RIC8B: variants seen among roughly 807,000 people sequenced by gnomAD.
RIC8B encodes chaperone Ric-8B.
A neutral mutation model predicts 57.5 loss-of-function variants in RIC8B; 16 were observed. The observed-to-expected ratio is 0.28, with a 90% CI of 0.19 to 0.42. The LOEUF is 0.42. Among genes scored for constraint, RIC8B ranks in the 10% least tolerant of loss-of-function variants. The pLI, the probability that RIC8B is intolerant of heterozygous loss-of-function variation, is 1.00. For synonymous variants in RIC8B, 216 were observed against 250.8 expected (o/e 0.86, Z 1.31); for missense variants, 481 against 677.0 (o/e 0.71, Z 3.21).
At chr12:106,780,693 G>A (rs903561895) in intron 1 of RIC8B, among the ~76,000 whole-genome samples, 5 of 152,188 alleles carry the variant, frequency 3.3e-5, no homozygotes, top group African/African-American at 9.7e-5. Context: ...GAAGCAATCT[G>A]TGTTCATGAA....
At chr12:106,833,541 C>T (rs981196244) in intron 4 of RIC8B, among the ~76,000 whole-genome samples, 3 of 151,988 alleles carry the variant, frequency 2.0e-5, no homozygotes, top group African/African-American at 4.8e-5. Flanking sequence ...GCAAAAGTTG[C>T]GGTGAGCTTA....
rs79411112 is a variant in RIC8B at position 106,825,002 on chromosome 12, A to G, written c.742-724A>G. 3.3e-3 allele frequency among the ~76,000 whole-genome samples: 498 copies of G among 152,282 alleles called. 7 individuals are homozygous for G. The highest frequency in any genetic ancestry group is 0.012 in the African/African-American group (480 of 41,564). ...TGGCATATCCAGGCTCTCTATCACA[A>G]TTGTCTCTAATTTCATGTGTCTTCT... is the stretch of plus-strand genomic sequence containing the variant. On this transcript the variant is annotated intron_variant, in intron 3 of 9. Coordinates refer to ENST00000392837, the MANE Select transcript of RIC8B (RefSeq NM_001330145.2).
At chr12:106,878,958 G>A in intron 9 of RIC8B, 1 of 985,586 alleles carries the variant, frequency 1.0e-6, no homozygotes, top group Non-Finnish European at 1.2e-6. Context: ...GAGCAGACTG[G>A]TGTTTGCATG....
At chr12:106,805,876 T>C (rs2044990439) in intron 2 of RIC8B, among the ~76,000 whole-genome samples, 1 of 152,234 alleles carries the variant, frequency 6.6e-6, no homozygotes, top group Non-Finnish European at 1.5e-5. Flanking sequence ...CAGCAACATC[T>C]TGAAAGGTAT....
intron 6 of RIC8B, among the ~76,000 whole-genome samples, chr12:106,850,790 A>C (rs948290372): frequency 2.0e-4 from 30 of 152,282 alleles, no homozygotes; most frequent in African/African-American, 7.0e-4. Flanking sequence ...TTTTTAATTA[A>C]ATAAAGGTTG....
At chr12:106,871,130 G>C in intron 9 of RIC8B, 188 bp downstream of exon 9, 1 of 455,898 alleles carries the variant, frequency 2.2e-6, no homozygotes. Context: ...GCTTCTGGAT[G>C]TGCATTCCTA....
intron 9 of RIC8B, among the ~76,000 whole-genome samples, chr12:106,884,364 C>T (rs1464138803): frequency 6.6e-6 from 1 of 152,162 alleles, no homozygotes; most frequent in South Asian, 2.1e-4. Context: ...ACTCAGTGTG[C>T]TCCTCCAATG....
In RIC8B at chr12:106,851,579, C is replaced by G; in HGVS notation, c.1291C>G (p.Leu431Val). ...AATTGCTGCTGAATTCCTTTTTGTC[C>G]TTTGCAAAGAGAGAGGTAGGTTAAA... The part of the protein sequence containing the change: ...KQIAAEFLFV[L>V]CKERVDSLLK... Residue 431 changes from leucine to valine, a missense_variant, in exon 7 of 10, where the codon CTT (leucine) becomes GTT (valine). Leu to Val is a conservative substitution (Grantham distance 32). Transcript: ENST00000392837. 1 of 1,612,362 alleles carries G rather than the reference C, an allele frequency of 6.2e-7. No individual in the cohort carries two copies. Among genetic ancestry groups the G allele is most frequent in the Non-Finnish European group, 8.5e-7 (1 of 1,179,814 alleles).
rs189326830 is a variant in RIC8B, at chr12:106,808,869, C to G, written c.133-5827C>G. 2.8e-3 allele frequency among the ~76,000 whole-genome samples: 432 copies of G among 152,234 alleles called. 2 individuals are homozygous for G. Among genetic ancestry groups the G allele is most frequent in the Non-Finnish European group, 5.0e-3 (341 of 68,014 alleles). On this transcript the variant is annotated intron_variant, in intron 2 of 9. Transcript: ENST00000392837. ...TTTTTAATAGTTTTAGAAATCACCT[C>G]TTAAGATAGTATATAAATCTTGATA... is the stretch of plus-strand genomic sequence containing the variant.
chr12:106,835,009 A>AAAAT (rs1555255517), intron 4 of RIC8B, among the ~76,000 whole-genome samples: 204 of 149,746 alleles, frequency 1.4e-3, no homozygotes, highest in African/African-American at 4.5e-3. Context: ...AAAAAAAAAA[A>AAAAT]GTAGAACTCT....
At chr12:106,874,719 C>G (rs961804667) in intron 9 of RIC8B, among the ~76,000 whole-genome samples, 4 of 152,192 alleles carry the variant, frequency 2.6e-5, no homozygotes, top group Non-Finnish European at 4.4e-5. Flanking sequence ...AGCTCATCAC[C>G]TTAGCAGCTT....
intron 2 of RIC8B, among the ~76,000 whole-genome samples, chr12:106,792,588 A>G (rs1295012555): frequency 1.3e-5 from 2 of 152,222 alleles, no homozygotes; most frequent in Non-Finnish European, 2.9e-5. Flanking sequence ...AAAGTCTGGA[A>G]ATAGTCCCAA....
chr12:106,809,424 G>T (rs780806275), intron 2 of RIC8B, among the ~76,000 whole-genome samples: 42 of 151,340 alleles, frequency 2.8e-4, no homozygotes, highest in Admixed American at 7.3e-4. Flanking sequence ...TCAGGAGGCT[G>T]AGACAGGAGA....
intron 7 of RIC8B, among the ~76,000 whole-genome samples, chr12:106,852,772 C>G (rs764867636): frequency 3.3e-5 from 5 of 152,146 alleles, no homozygotes; most frequent in Admixed American, 6.5e-5. Flanking sequence ...TTATCATAGA[C>G]TGTTTAGCAT....
intron 4 of RIC8B, among the ~76,000 whole-genome samples, chr12:106,837,414 C>A (rs1022879545): frequency 6.6e-6 from 1 of 151,752 alleles, no homozygotes; most frequent in Admixed American, 6.6e-5. Context: ...TGGGTTATTC[C>A]CCCAGAGCAC....
At chr12:106,824,888 C>T (rs1362096201) in intron 3 of RIC8B, among the ~76,000 whole-genome samples, 1 of 150,708 alleles carries the variant, frequency 6.6e-6, no homozygotes, top group Non-Finnish European at 1.5e-5. Context: ...GCCTAGGCGA[C>T]AAGAGCAAAA....
chr12:106,881,307 A>G (rs1002020043), intron 9 of RIC8B, among the ~76,000 whole-genome samples: 2 of 151,812 alleles, frequency 1.3e-5, no homozygotes, highest in African/African-American at 2.4e-5. Flanking sequence ...TCTCCATTCA[A>G]ATCCTCTTTT....
At chr12:106,871,484 A>AC (rs1488904992) in intron 9 of RIC8B, 5 of 141,792 alleles carry the variant, frequency 3.5e-5, no homozygotes, top group African/African-American at 1.3e-4. Context: ...AAAAAAAAAA[A>AC]AAAAAAAAAA....
intron 2 of RIC8B, among the ~76,000 whole-genome samples, chr12:106,811,405 C>T (rs543439433): frequency 6.6e-6 from 1 of 152,356 alleles, no homozygotes; most frequent in Admixed American, 6.5e-5. Context: ...TCTGGACCCT[C>T]ATCCCAGACC....
Sources: allele counts gnomAD v4.1 joint callset (sites outside exome capture counted in the v4.1 genomes callset), GRCh38; gene constraint gnomAD v4.1.1; transcripts MANE v1.5; gene names NCBI Gene and HGNC (gene_info 2026-07-23, HGNC 2026-07-21).